Variants in SNX29 observed in about 807,000 individuals in gnomAD.
SNX29 encodes the protein sorting nexin 29.
SNX29 carries 78 observed loss-of-function variants against 102.1 expected under a neutral mutation model. The ratio of observed to expected loss-of-function variants is 0.76; its 90% CI spans 0.64 to 0.92. The LOEUF is 0.92. Among genes scored for constraint, SNX29 ranks in the 40% least tolerant of loss-of-function variants. SNX29 has a pLI of 0.00. For missense variants in SNX29, 1,280 were observed against 1,061.7 expected (o/e 1.21, Z -2.86); for synonymous variants, 580 against 414.5 (o/e 1.40, Z -4.85).
At chr16:12,537,353 A>G (rs1050394595) in intron 20 of SNX29, among the ~76,000 whole-genome samples, 1 of 152,236 alleles carries the variant, frequency 6.6e-6, no homozygotes, top group Non-Finnish European at 1.5e-5. Context: ...ACAGGAGCTC[A>G]TTGGCAACTT....
chr16:12,163,260 C>T (rs761038038), intron 13 of SNX29, among the ~76,000 whole-genome samples: 5 of 152,096 alleles, frequency 3.3e-5, no homozygotes, highest in African/African-American at 9.7e-5. Context: ...CTGAGAAAGG[C>T]GGGACTGGCC....
chr16:12,126,537 C>A (rs2054221608), intron 11 of SNX29, 96 bp from the exon 12 acceptor site: 3 of 1,269,892 alleles, frequency 2.4e-6, no homozygotes, highest in Non-Finnish European at 3.4e-6. Context: ...CTTATCTAGA[C>A]AAGTCATCCT....
intron 20 of SNX29, among the ~76,000 whole-genome samples, chr16:12,543,772 C>G (rs983819896): frequency 1.3e-5 from 2 of 152,322 alleles, no homozygotes; most frequent in Non-Finnish European, 2.9e-5. Flanking sequence ...AGTTTATTTT[C>G]CAAGATGTAT....
rs530298220 is a variant in SNX29 at position 12,035,195 on chromosome 16, G to A, written c.248-7702G>A. 3.0e-3 allele frequency among the ~76,000 whole-genome samples: 442 copies of A among 145,776 alleles called. 2 individuals carry two copies. The highest frequency in any genetic ancestry group is 0.01 in the African/African-American group (416 of 39,800). ...ATACAAGCTTTAGAAGTCCGTCTTA[G>A]AAATTTCCCTTTTTTTTTTTTTTTT... On this transcript the variant is annotated intron_variant, in intron 4 of 20. Coordinates refer to ENST00000566228, the MANE Select transcript of SNX29 (RefSeq NM_032167.5).
At chr16:12,523,988 G>T (rs2090199873) in intron 19 of SNX29, among the ~76,000 whole-genome samples, 1 of 152,164 alleles carries the variant, frequency 6.6e-6, no homozygotes, top group South Asian at 2.1e-4. Context: ...CCGGGTTCAA[G>T]TGATTGTCCT....
intron 4 of SNX29, among the ~76,000 whole-genome samples, chr16:12,032,373 A>G (rs1030753496): frequency 4.0e-5 from 6 of 151,738 alleles, no homozygotes; most frequent in African/African-American, 1.5e-4. Flanking sequence ...ATGCCCGGCT[A>G]ATTTTTGTAT....
At chr16:12,163,022 C>T (rs1029659542) in intron 13 of SNX29, among the ~76,000 whole-genome samples, 5 of 152,158 alleles carry the variant, frequency 3.3e-5, no homozygotes, top group African/African-American at 1.2e-4. Flanking sequence ...GCTGGGGCTA[C>T]AGGCATGTAC....
At chr16:12,557,718 C>G (rs981445689) in intron 20 of SNX29, 2 of 152,196 alleles carry the variant, frequency 1.3e-5, no homozygotes, top group African/African-American at 2.4e-5. Context: ...CCAGCATCAC[C>G]TCAGATGCAG....
At chr16:12,158,155 T>C (rs2055632408) in intron 13 of SNX29, among the ~76,000 whole-genome samples, 1 of 152,100 alleles carries the variant, frequency 6.6e-6, no homozygotes, top group East Asian at 1.9e-4. Context: ...CATGGCTCAC[T>C]GCAGCCTCTA....
At chr16:12,185,862 GAT>G (rs1209929008) in intron 13 of SNX29, among the ~76,000 whole-genome samples, 1 of 152,236 alleles carries the variant, frequency 6.6e-6, no homozygotes, top group Non-Finnish European at 1.5e-5. Context: ...TTTGAGGTCA[GAT>G]GCTCAGATGC....
At chr16:12,390,928 A>AAT (rs2083508199) in intron 16 of SNX29, among the ~76,000 whole-genome samples, 1 of 152,080 alleles carries the variant, frequency 6.6e-6, no homozygotes, top group Non-Finnish European at 1.5e-5. Context: ...AGAATGAGGA[A>AAT]ATAAATCGCA....
At chr16:12,248,577 T>C (rs1342003037) in intron 14 of SNX29, among the ~76,000 whole-genome samples, 1 of 151,330 alleles carries the variant, frequency 6.6e-6, no homozygotes, top group Non-Finnish European at 1.5e-5. Context: ...TTTAGTAGAG[T>C]AGTAGTTTTT....
intron 14 of SNX29, among the ~76,000 whole-genome samples, chr16:12,218,098 A>C (rs1052589672): frequency 6.6e-6 from 1 of 152,260 alleles, no homozygotes; most frequent in Non-Finnish European, 1.5e-5. Context: ...CAATGATAAA[A>C]AAATTGTTTG....
chr16:12,561,252 A>C (rs1243700894), intron 20 of SNX29: 3 of 229,912 alleles, frequency 1.3e-5, no homozygotes, highest in Admixed American at 5.7e-5. Flanking sequence ...ACTCCCTCCC[A>C]CTCCACAGAT....
At position 12,509,386 on chromosome 16, in the gene SNX29, C is replaced by T. The variant is rs546798628; in HGVS notation, c.2179-15316C>T. Reference sequence around the variant, plus strand: ...TAGAGGGCTGGGGAGGCACGGGGAGCGGATCCCAGGGAAGACTGAAATGTA... The same window carrying T: ...TAGAGGGCTGGGGAGGCACGGGGAGTGGATCCCAGGGAAGACTGAAATGTA... On this transcript the variant is annotated intron_variant, in intron 19 of 20. Transcript: ENST00000566228. Among the ~76,000 whole-genome samples, 11 of 152,222 alleles carry T rather than the reference C, an allele frequency of 7.2e-5. No homozygotes were observed. The South Asian group carries it at 2.3e-3, about 32-fold the overall frequency.
At position 12,285,177 on chromosome 16, in the gene SNX29, C is replaced by T. The variant is rs546822802; in HGVS notation, c.1782+7141C>T. On this transcript the variant is annotated intron_variant, in intron 15 of 20. Transcript: ENST00000566228. The stretch of plus-strand genomic sequence containing the variant: ...TGTATCCGTATGTAATCAGTAGATG[C>T]CGTTTCCCTTCAGTTCTCCTTCCAC... 7.9e-5 allele frequency among the ~76,000 whole-genome samples: 12 copies of T among 152,322 alleles called. 1 individual carries two copies. In the South Asian group the frequency reaches 2.1e-3, roughly 26 times the overall value.
In SNX29 at chr16:12,449,331, G is replaced by T. The variant is rs542867048; in HGVS notation, c.2038-28388G>T. Among the ~76,000 whole-genome samples, 91 of 151,846 alleles carry T rather than the reference G, an allele frequency of 6.0e-4. 1 individual carries two copies. The highest frequency in any genetic ancestry group is 2.1e-3 in the African/African-American group (88 of 41,470). On this transcript the variant is annotated intron_variant, in intron 18 of 20. Coordinates refer to ENST00000566228, the MANE Select transcript of SNX29 (RefSeq NM_032167.5). ...GAACTTAGCCAGGCAAAGAAGGCAC[G>T]GTGGGGACAAGCAGAGGGAACAGGC...
intron 19 of SNX29, among the ~76,000 whole-genome samples, chr16:12,519,630 A>T (rs2151944630): frequency 6.6e-6 from 1 of 152,358 alleles, no homozygotes; most frequent in Admixed American, 6.5e-5. Context: ...TATGGAAAAG[A>T]GTTAAGACTT....
At chr16:12,320,747 C>T (rs1359860614) in intron 15 of SNX29, among the ~76,000 whole-genome samples, 11 of 152,164 alleles carry the variant, frequency 7.2e-5, no homozygotes, top group African/African-American at 2.7e-4. Flanking sequence ...CATCACCATG[C>T]ATTGTGACAA....
Sources: gnomAD v4.1 joint callset for allele counts (sites outside exome capture counted in the v4.1 genomes callset) on GRCh38, gnomAD v4.1.1 for gene constraint, MANE v1.5 for transcripts, NCBI Gene and HGNC (gene_info 2026-07-23, HGNC 2026-07-21) for gene names.